Variants in RBFOX3 observed in about 807,000 individuals in gnomAD.
RBFOX3 encodes the protein RNA binding fox-1 homolog 3.
Under a neutral mutation model 48.7 loss-of-function variants are expected in RBFOX3, and 17 were observed. That is an observed-to-expected ratio of 0.35 (90% CI 0.24 to 0.52). The LOEUF (loss-of-function observed/expected upper bound fraction) is 0.52, where lower values mean the gene tolerates loss of function less well. RBFOX3 is among the 20% of genes least tolerant of loss of function. RBFOX3 has a pLI of 0.94. For synonymous variants in RBFOX3, 212 were observed against 209.5 expected, an observed-to-expected ratio of 1.01 and a Z score of -0.10; for missense variants, 382 against 497.5, an observed-to-expected ratio of 0.77 and a Z score of 2.21.
chr17:79,474,900 C>T (rs1555759725), intron 2 of RBFOX3, among the ~76,000 whole-genome samples: 1 of 152,136 alleles, frequency 6.6e-6, no homozygotes. Flanking sequence ...CTGACTCCTA[C>T]CTTTCCTTCC....
intron 4 of RBFOX3, among the ~76,000 whole-genome samples, chr17:79,194,567 G>C (rs192558600): frequency 1.6e-4 from 25 of 152,078 alleles, no homozygotes; most frequent in Admixed American, 1.6e-3. Flanking sequence ...GATTGCACCA[G>C]CCACTGTACT....
At chr17:79,343,000 G>A (rs979952233) in intron 2 of RBFOX3, among the ~76,000 whole-genome samples, 2 of 152,034 alleles carry the variant, frequency 1.3e-5, no homozygotes, top group Admixed American at 6.5e-5. Context: ...GAGAGAGAGA[G>A]AGAAACCTGG....
the RBFOX3 span, among the ~76,000 whole-genome samples, chr17:79,661,110 C>A: frequency 6.6e-6 from 1 of 152,060 alleles, no homozygotes; most frequent in Non-Finnish European, 1.5e-5. Flanking sequence ...GGGAATAACA[C>A]ACACTGAGGC....
chr17:79,268,020 G>A (rs753440871), intron 3 of RBFOX3, among the ~76,000 whole-genome samples: 1 of 152,068 alleles, frequency 6.6e-6, no homozygotes, highest in Non-Finnish European at 1.5e-5. Flanking sequence ...AAATGTCCTC[G>A]GTCTCTGCAA....
At chr17:79,356,366 T>TTTTTGTTTTTG (rs1568101031) in intron 2 of RBFOX3, among the ~76,000 whole-genome samples, 10 of 105,974 alleles carry the variant, frequency 9.4e-5, no homozygotes, top group African/African-American at 3.0e-4. Context: ...TTTTTTTTTT[T>TTTTTGTTTTTG]TTTTTTTTTT....
At chr17:79,186,966 G>T (rs1197994618) in intron 4 of RBFOX3, among the ~76,000 whole-genome samples, 1 of 152,244 alleles carries the variant, frequency 6.6e-6, no homozygotes, top group Non-Finnish European at 1.5e-5. Flanking sequence ...CCCTGAGCGT[G>T]CCTGCCTGGG....
chr17:79,097,672 C>T lies in RBFOX3; in HGVS notation c.622+20G>A, dbSNP rs1043558684. 2.0e-6 allele frequency: 3 copies of T among 1,532,588 alleles called. No homozygotes were observed. The highest frequency in any genetic ancestry group is 2.8e-5 in the African/African-American group (2 of 72,220). 94.9% of individuals were successfully genotyped at this position (1,532,588 alleles called of 1,614,324 possible). A position where few individuals can be genotyped will look rare whatever the true frequency, so the allele number is the denominator to read the frequency against. On this transcript the variant is annotated intron_variant, in intron 10 of 14. Coordinates refer to ENST00000693108, the MANE Select transcript of RBFOX3 (RefSeq NM_001350451.2). The stretch of plus-strand genomic sequence containing the variant: ...CAAGTAGCTGGTCTCATCCCATCCC[C>T]GCCCCGCCCCAGCTTTTACCTGCAT...
chr17:79,097,909 A>C (rs1308914574), intron 9 of RBFOX3, 164 bp from the exon 10 acceptor site: 2 of 672,844 alleles, frequency 3.0e-6, no homozygotes, highest in African/African-American at 3.6e-5. Flanking sequence ...ACAAGTGCTG[A>C]GTTCAAAACA....
At chr17:79,538,534 C>G (rs2089211814) in intron 1 of RBFOX3, among the ~76,000 whole-genome samples, 1 of 152,224 alleles carries the variant, frequency 6.6e-6, no homozygotes, top group African/African-American at 2.4e-5. Context: ...TGGAGCTGAG[C>G]TTTCCCTAGG....
chr17:79,156,601 G>A (rs980271569), intron 4 of RBFOX3, among the ~76,000 whole-genome samples: 3 of 152,196 alleles, frequency 2.0e-5, no homozygotes, highest in African/African-American at 4.8e-5. Flanking sequence ...AATCTGGCCC[G>A]CTGCTTCTCT....
rs146336017 is a variant in RBFOX3, at chr17:79,264,401, C to T, written c.-73-28596G>A. Among the ~76,000 whole-genome samples the T allele has an allele frequency of 4.2e-3, 632 of 151,346 alleles. 4 individuals carry two copies. Among genetic ancestry groups the T allele is most frequent in the African/African-American group, 0.014 (595 of 41,150 alleles). On this transcript the variant is annotated intron_variant, in intron 3 of 14. Transcript: ENST00000693108. ...TTTTTTTTTTTAAAGACGGGGGTCT[C>T]ACTATGTTATCCAGGCTGTCCTCGA...
chr17:79,665,446 A>AGAGG, the RBFOX3 span, among the ~76,000 whole-genome samples: 1 of 152,216 alleles, frequency 6.6e-6, no homozygotes. Flanking sequence ...AGGGGCCTGG[A>AGAGG]AACCGACGCC....
intron 2 of RBFOX3, among the ~76,000 whole-genome samples, chr17:79,326,585 G>A (rs902191005): frequency 5.9e-5 from 9 of 152,156 alleles, no homozygotes; most frequent in African/African-American, 2.2e-4. Flanking sequence ...TCCAGCCCAG[G>A]CCTGCCCAAC....
intron 4 of RBFOX3, among the ~76,000 whole-genome samples, chr17:79,175,516 G>A (rs550772172): frequency 3.5e-4 from 53 of 152,350 alleles, no homozygotes; most frequent in Admixed American, 5.2e-4. Context: ...CCTTTCCCGC[G>A]GGCGTGCTGC....
At chr17:79,446,881 A>G (rs2072426589) in intron 2 of RBFOX3, among the ~76,000 whole-genome samples, 1 of 152,192 alleles carries the variant, frequency 6.6e-6, no homozygotes, top group Admixed American at 6.5e-5. Context: ...GCTTCAATAA[A>G]GCTGTTTTCT....
At chr17:79,159,588 C>A (rs1568251589) in intron 4 of RBFOX3, among the ~76,000 whole-genome samples, 1 of 152,174 alleles carries the variant, frequency 6.6e-6, no homozygotes, top group Non-Finnish European at 1.5e-5. Flanking sequence ...TCAGCTGAAT[C>A]CAGGAAATTG....
At chr17:79,347,936 C>T (rs568395863) in intron 2 of RBFOX3, among the ~76,000 whole-genome samples, 61 of 152,170 alleles carry the variant, frequency 4.0e-4, no homozygotes, top group Non-Finnish European at 8.2e-4. Flanking sequence ...GCTACTCTGC[C>T]CTGCCCTGTC....
chr17:79,154,647 G>A (rs1281380898), intron 4 of RBFOX3, among the ~76,000 whole-genome samples: 1 of 152,188 alleles, frequency 6.6e-6, no homozygotes, highest in African/African-American at 2.4e-5. Flanking sequence ...GCTGGGTCTC[G>A]CCCTGCCCGG....
intron 1 of RBFOX3, among the ~76,000 whole-genome samples, chr17:79,485,508 G>A (rs1598897431): frequency 1.4e-5 from 2 of 147,786 alleles, no homozygotes; most frequent in African/African-American, 4.9e-5. Context: ...AACCCAGGCC[G>A]CCTTCTCTAG....
Sources: gnomAD v4.1 joint callset for allele counts (sites outside exome capture counted in the v4.1 genomes callset) on GRCh38, gnomAD v4.1.1 for gene constraint, MANE v1.5 for transcripts, NCBI Gene and HGNC (gene_info 2026-07-23, HGNC 2026-07-21) for gene names.